The following SOX5 variants were observed in gnomAD, a reference collection of about 807,000 sequenced individuals.
SOX5 encodes the protein SRY-box transcription factor 5.
Under a neutral mutation model 92.0 loss-of-function variants are expected in SOX5, and 9 were observed. The ratio of observed to expected loss-of-function variants is 0.10; its 90% CI spans 0.06 to 0.17. The LOEUF (loss-of-function observed/expected upper bound fraction) is 0.17, where lower values mean the gene tolerates loss of function less well. Among genes scored for constraint, SOX5 ranks in the 10% least tolerant of loss-of-function variants. The pLI, the probability that SOX5 is intolerant of heterozygous loss-of-function variation, is 1.00. For missense variants in SOX5, 642 were observed against 944.5 expected (o/e 0.68, Z 4.20); for synonymous variants, 344 against 336.3 (o/e 1.02, Z -0.25).
rs569845453 is a variant in SOX5, at chr12:24,413,051, G to A, written c.-250-44412C>T. On this transcript the variant is annotated intron_variant, in intron 1 of 4. Coordinates refer to the SOX5 transcript ENST00000446891. Reference sequence around the variant, plus strand: ...ATTACAGGCTTGAGCCATCGCGCCCGGCCTCAGTTAGATTTTCTTGGTTAC... The same window carrying A: ...ATTACAGGCTTGAGCCATCGCGCCCAGCCTCAGTTAGATTTTCTTGGTTAC... Among the ~76,000 whole-genome samples the A allele has an allele frequency of 3.9e-5, 6 of 152,222 alleles. 1 individual carries two copies. Among genetic ancestry groups the A allele is most frequent in the South Asian group, 2.1e-4 (1 of 4,824 alleles).
chr12:24,559,238 T>TGCCC (rs1954104434), intron 1 of SOX5, among the ~76,000 whole-genome samples: 1 of 152,242 alleles, frequency 6.6e-6, no homozygotes, highest in South Asian at 2.1e-4. Flanking sequence ...ACTTCAGGCC[T>TGCCC]AGACAAATAA....
intron 4 of SOX5, among the ~76,000 whole-genome samples, chr12:24,012,856 A>C (rs1490987165): frequency 6.6e-6 from 1 of 152,186 alleles, no homozygotes; most frequent in African/African-American, 2.4e-5. Flanking sequence ...GCAATGGAGA[A>C]CTACCAAACA....
rs11047325 is a variant in SOX5 at position 24,241,530 on chromosome 12, A to G, written c.-76-28113T>C. On this transcript the variant is annotated intron_variant, in intron 3 of 4. Transcript: ENST00000446891. ...GAATATATCAAATGAATTTCCATGAAAAACAAAAACCATCCTCTGTTTTTA... is the reference window on the plus strand; with the variant it reads ...GAATATATCAAATGAATTTCCATGAGAAACAAAAACCATCCTCTGTTTTTA... Among the ~76,000 whole-genome samples, 1,106 of 152,324 alleles carry G rather than the reference A, an allele frequency of 7.3e-3. 17 individuals carry two copies. The highest frequency in any genetic ancestry group is 0.024 in the African/African-American group (1,010 of 41,562).
At position 23,777,194 on chromosome 12, in the gene SOX5, T is replaced by G. The variant is rs1449372004; in HGVS notation, c.482-21470A>C. On this transcript the variant is annotated intron_variant, in intron 3 of 14. Transcript: ENST00000451604. ...AAGGCAGCTCAAGATTACATAGGAT[T>G]TGGAGATCATTCTTGATGTGAGCAA... Among the ~76,000 whole-genome samples, 3 of 152,138 alleles carry G rather than the reference T, an allele frequency of 2.0e-5. No individual in the cohort carries two copies. In the East Asian group the frequency reaches 5.8e-4, roughly 29 times the overall value.
intron 4 of SOX5, among the ~76,000 whole-genome samples, chr12:23,999,221 C>T (rs914196394): frequency 2.5e-4 from 38 of 149,076 alleles, no homozygotes; most frequent in African/African-American, 7.4e-4. Flanking sequence ...CTGCCTGCTA[C>T]GTGATCTCAC....
At chr12:23,855,905 A>G (rs944594070) in intron 2 of SOX5, among the ~76,000 whole-genome samples, 1 of 152,086 alleles carries the variant, frequency 6.6e-6, no homozygotes, top group African/African-American at 2.4e-5. Flanking sequence ...AAAAAGAGCT[A>G]AAGACCTATT....
At chr12:24,304,424 G>A (rs1202135336) in intron 2 of SOX5, among the ~76,000 whole-genome samples, 1 of 152,114 alleles carries the variant, frequency 6.6e-6, no homozygotes, top group African/African-American at 2.4e-5. Flanking sequence ...GATTAAAGGA[G>A]GAATATCTTC....
chr12:24,069,583 C>T (rs985669133), intron 4 of SOX5, among the ~76,000 whole-genome samples: 6 of 152,188 alleles, frequency 3.9e-5, no homozygotes, highest in Non-Finnish European at 5.9e-5. Flanking sequence ...ATCAGTGTAT[C>T]TGCACAGGGA....
intron 6 of SOX5, among the ~76,000 whole-genome samples, chr12:23,713,526 C>A (rs1295182752): frequency 6.6e-6 from 1 of 151,790 alleles, no homozygotes; most frequent in Non-Finnish European, 1.5e-5. Context: ...TTAATTCAGC[C>A]CTAGGGAATT....
At chr12:23,960,214 A>G (rs1449379560) in intron 4 of SOX5, among the ~76,000 whole-genome samples, 2 of 152,082 alleles carry the variant, frequency 1.3e-5, no homozygotes, top group Non-Finnish European at 2.9e-5. Flanking sequence ...ATGTTTACAC[A>G]AGAAGAGAAA....
At chr12:23,898,446 GC>G (rs1302134453) in intron 1 of SOX5, among the ~76,000 whole-genome samples, 1 of 152,126 alleles carries the variant, frequency 6.6e-6, no homozygotes, top group Non-Finnish European at 1.5e-5. Flanking sequence ...AGATCAGCTA[GC>G]CTTTCCTAAG....
At chr12:24,237,762 T>G (rs1011068841) in intron 3 of SOX5, 2 of 152,238 alleles carry the variant, frequency 1.3e-5, no homozygotes, top group African/African-American at 4.8e-5. Flanking sequence ...TTTACATATA[T>G]AGCCTATGGA....
intron 6 of SOX5, among the ~76,000 whole-genome samples, chr12:23,709,304 T>C (rs566905646): frequency 3.9e-5 from 6 of 152,136 alleles, no homozygotes; most frequent in African/African-American, 1.4e-4. Flanking sequence ...GGGATCTCCC[T>C]GTGCTGCCCA....
In SOX5 at chr12:23,873,955, G is replaced by C. The variant is rs541192294; in HGVS notation, c.270+21838C>G. On this transcript the variant is annotated intron_variant, in intron 2 of 14. Transcript: ENST00000451604. ...GATGGACTTTACTATTGAGTTACAG[G>C]TTTTCTGGTAAGAATACGGTTAACT... Among the ~76,000 whole-genome samples, 5 of 152,228 alleles carry C rather than the reference G, an allele frequency of 3.3e-5. No individual in the cohort carries two copies. The South Asian group carries it at 1.0e-3, about 32-fold the overall frequency.
chr12:23,965,142 C>T lies in SOX5; in HGVS notation c.-1-69118G>A, dbSNP rs78870747. On this transcript the variant is annotated intron_variant, in intron 4 of 4. Transcript: ENST00000446891. ...TGCACCCTAGCAGGACACCATCTAC[C>T]GTGGAACAGATGGATTATCTCGATG... 3.4e-3 allele frequency among the ~76,000 whole-genome samples: 515 copies of T among 152,304 alleles called. 7 individuals are homozygous for T. The highest frequency in any genetic ancestry group is 0.012 in the African/African-American group (488 of 41,568).
chr12:23,996,231 A>G (rs1188867232), intron 4 of SOX5, among the ~76,000 whole-genome samples: 2 of 152,220 alleles, frequency 1.3e-5, no homozygotes, highest in Non-Finnish European at 2.9e-5. Context: ...AATGTGAAGA[A>G]AGAAAAGATG....
intron 1 of SOX5, among the ~76,000 whole-genome samples, chr12:24,547,277 C>T (rs1024704084): frequency 1.3e-5 from 2 of 150,692 alleles, no homozygotes; most frequent in African/African-American, 2.4e-5. Flanking sequence ...ATGCAAGCTC[C>T]GCTTCCCGGG....
At chr12:23,580,835 G>T (rs1949938330) in intron 9 of SOX5, among the ~76,000 whole-genome samples, 2 of 151,984 alleles carry the variant, frequency 1.3e-5, no homozygotes, top group African/African-American at 4.8e-5. Context: ...CCCAGCCAAT[G>T]AAAATTTGCA....
At chr12:23,626,168 T>G (rs1372592497) in intron 8 of SOX5, among the ~76,000 whole-genome samples, 2 of 151,864 alleles carry the variant, frequency 1.3e-5, no homozygotes, top group South Asian at 4.2e-4. Flanking sequence ...AGGTAAATAT[T>G]TGGAAATTCC....
Sources: allele counts gnomAD v4.1 joint callset (sites outside exome capture counted in the v4.1 genomes callset), GRCh38; gene constraint gnomAD v4.1.1; transcripts MANE v1.5; gene names NCBI Gene and HGNC (gene_info 2026-07-23, HGNC 2026-07-21).